Variants in CABIN1 observed in about 807,000 individuals in gnomAD.
CABIN1 encodes the protein calcineurin binding protein 1, also known as calcineurin-binding protein cabin-1.
Under a neutral mutation model 227.7 loss-of-function variants are expected in CABIN1, and 133 were observed. The observed-to-expected ratio is 0.58, with a 90% confidence interval of 0.51 to 0.67. The LOEUF (loss-of-function observed/expected upper bound fraction) is 0.67. Ranked by LOEUF, CABIN1 falls within the 30% of genes least tolerant of loss-of-function variation. The pLI is 0.00. For synonymous variants in CABIN1, 1,086 were observed against 1,155.1 expected (o/e 0.94, Z 1.21); for missense variants, 2,408 against 2,852.5 (o/e 0.84, Z 3.55).
intron 3 of CABIN1, 83 bp downstream of exon 3, chr22:24,036,264 C>G: frequency 1.0e-6 from 1 of 971,840 alleles, no homozygotes; most frequent in East Asian, 2.4e-5. Flanking sequence ...TTAGGCATCT[C>G]CTCAGTGGGG....
intron 29 of CABIN1, among the ~76,000 whole-genome samples, chr22:24,147,133 C>T (rs1774774804): frequency 6.6e-6 from 1 of 152,240 alleles, no homozygotes; most frequent in South Asian, 2.1e-4. Flanking sequence ...CGCTGTTTAA[C>T]ATTCCTGAAT....
At position 24,050,913 on chromosome 22, in the gene CABIN1, G is replaced by A. The variant is rs1466536380; in HGVS notation, c.745G>A (p.Ala249Thr). 1.2e-6 allele frequency: 2 copies of A among 1,614,226 alleles called. No homozygotes were observed. The highest frequency in any genetic ancestry group is 2.2e-5 in the East Asian group (1 of 44,888). ...CTTGGGGCTGCGAAAAAAGAGGCAA[G>A]CGCTGATTGTGCGGGAGAAGGAGCC... Reference protein sequence around the residue: ...EALGLRKKRQALIVREKEPDL... With the variant: ...EALGLRKKRQTLIVREKEPDL... The change falls in exon 8 of 37, where the codon GCG (alanine) becomes ACG (threonine). Residue 249 changes from alanine (A) to threonine (T), a missense_variant. Transcript: ENST00000263119.
At position 24,168,459 on chromosome 22, in the gene CABIN1, G is replaced by T; in HGVS notation, c.5695G>T (p.Ala1899Ser). The change falls in exon 33 of 37, where the codon GCT becomes TCT. Residue 1899 changes from alanine (A) to serine (S), a missense_variant. By Grantham distance (99) the Ala-to-Ser change is moderately conservative. Around this residue, in one of 3 missense-constraint regions of CABIN1, gnomAD observed 714 missense variants for 773.8 expected, o/e 0.92. Transcript: ENST00000263119. Reference protein sequence around the residue: ...YMLIKQVDEEAALEQAVKFCQ... With the variant: ...YMLIKQVDEESALEQAVKFCQ... ...TCTCCCTGTTAAGGTGGATGAGGAG[G>T]CTGCGCTGGAGCAGGCTGTGAAGTT... The T allele has an allele frequency of 6.4e-7, 1 of 1,571,774 alleles. No individual in the cohort carries two copies. The highest frequency in any genetic ancestry group is 1.8e-5 in the Admixed American group (1 of 54,618).
chr22:24,026,674 A>G (rs967035553), intron 1 of CABIN1, among the ~76,000 whole-genome samples: 1 of 152,212 alleles, frequency 6.6e-6, no homozygotes, highest in African/African-American at 2.4e-5. Flanking sequence ...CCTTTGCACC[A>G]TAGTCAGTAA....
chr22:24,048,414 G>A (rs2038062067), intron 6 of CABIN1, among the ~76,000 whole-genome samples: 1 of 151,808 alleles, frequency 6.6e-6, no homozygotes, highest in Non-Finnish European at 1.5e-5. Context: ...GGGACAGAGT[G>A]GTTTTGAGAT....
intron 24 of CABIN1, among the ~76,000 whole-genome samples, chr22:24,094,465 C>A (rs893899752): frequency 8.5e-5 from 13 of 152,198 alleles, no homozygotes; most frequent in Non-Finnish European, 1.5e-4. Flanking sequence ...CCATTCCATG[C>A]AACCATTGTA....
chr22:24,141,324 T>C (rs2044744461), intron 29 of CABIN1, among the ~76,000 whole-genome samples: 1 of 152,260 alleles, frequency 6.6e-6, no homozygotes, highest in Non-Finnish European at 1.5e-5. Context: ...TCAAACTTCC[T>C]GTTCTTGGTC....
intron 1 of CABIN1, among the ~76,000 whole-genome samples, chr22:24,032,072 A>G (rs914724744): frequency 2.0e-5 from 3 of 152,214 alleles, no homozygotes; most frequent in Non-Finnish European, 2.9e-5. Context: ...TTGTGTTACC[A>G]TCACCACCAT....
chr22:24,117,478 G>A (rs1306516976), intron 27 of CABIN1, among the ~76,000 whole-genome samples: 1 of 152,044 alleles, frequency 6.6e-6, no homozygotes, highest in African/African-American at 2.4e-5. Context: ...GGGATTACAG[G>A]CGTGAGCCAC....
rs765749682 is a variant in CABIN1, at chr22:24,051,009, G to T, written c.806+35G>T. The T allele has an allele frequency of 3.1e-6, 5 of 1,613,214 alleles. No homozygotes were observed. In the African/African-American group the frequency reaches 6.7e-5, roughly 22 times the overall value. On this transcript the variant is annotated intron_variant, in intron 8 of 36. Coordinates refer to ENST00000263119, the MANE Select transcript of CABIN1 (RefSeq NM_012295.4). ...CTAGCGTCTCTGGGAGTGCTGGGTC[G>T]GCCAGTAGGCCCTGTTGTGGGATGC...
At chr22:24,035,334 G>A in intron 1 of CABIN1, 110 bp from the exon 2 acceptor site, 1 of 730,668 alleles carries the variant, frequency 1.4e-6, no homozygotes, top group Non-Finnish European at 2.4e-6. Context: ...GCTCTTCACT[G>A]GCCTGTCTGC....
chr22:24,012,353 A>G (rs1307891838), intron 1 of CABIN1, among the ~76,000 whole-genome samples: 1 of 152,108 alleles, frequency 6.6e-6, no homozygotes, highest in Non-Finnish European at 1.5e-5. Context: ...AAATGTAAAA[A>G]CCATTCTTTG....
Position 24,070,851 on chromosome 22 carries a change from G to A in CABIN1, c.2284G>A (p.Val762Met). ...DYRQCFECSD[V>M]ALNEAVQQMV... is the part of the protein sequence containing the mutation. ...TCGGCAGTGTTTTGAGTGTTCCGAT[G>A]TGGCTCTGAACGAGGCTGTCCAGCA... Residue 762 changes from valine (V) to methionine (M), a missense_variant, in exon 17 of 37, where the codon GTG becomes ATG. Physicochemically the swap from Val to Met is conservative, Grantham distance 21. This residue lies in a region of CABIN1 where 1,045 missense variants were observed against 1,168.4 expected (regional missense o/e 0.89). Coordinates refer to ENST00000263119, the MANE Select transcript of CABIN1 (RefSeq NM_012295.4). 1 of 1,614,248 alleles carries A rather than the reference G, an allele frequency of 6.2e-7. No homozygotes were observed. Among genetic ancestry groups the A allele is most frequent in the Non-Finnish European group, 8.5e-7 (1 of 1,180,046 alleles).
chr22:24,158,889 AG>A (rs1044148680), intron 29 of CABIN1, among the ~76,000 whole-genome samples: 15 of 152,290 alleles, frequency 9.8e-5, no homozygotes, highest in African/African-American at 2.6e-4. Flanking sequence ...AACATGAGGG[AG>A]GACAAGACAC....
intron 26 of CABIN1, among the ~76,000 whole-genome samples, chr22:24,108,150 G>C (rs151047115): frequency 6.6e-6 from 1 of 152,326 alleles, no homozygotes; most frequent in South Asian, 2.1e-4. Context: ...AATGGCAATC[G>C]TGTTAAAAAA....
intron 22 of CABIN1, among the ~76,000 whole-genome samples, chr22:24,087,244 C>A (rs2041229981): frequency 6.6e-6 from 1 of 152,114 alleles, no homozygotes; most frequent in Admixed American, 6.5e-5. Flanking sequence ...TCTTCTTAGC[C>A]CTGTGTCACA....
intron 29 of CABIN1, among the ~76,000 whole-genome samples, chr22:24,134,858 A>G (rs2044295170): frequency 6.6e-6 from 1 of 152,138 alleles, no homozygotes; most frequent in African/African-American, 2.4e-5. Context: ...CGGGCAGATC[A>G]TCTGAGGTCA....
chr22:24,118,605 A>G (rs912833844), intron 27 of CABIN1, among the ~76,000 whole-genome samples: 3 of 151,922 alleles, frequency 2.0e-5, no homozygotes, highest in Non-Finnish European at 4.4e-5. Context: ...AGACCACAGG[A>G]CCCCTTGCCT....
In CABIN1 at chr22:24,115,828, C is replaced by T. The variant is rs370774166; in HGVS notation, c.4300+2080C>T. The stretch of plus-strand genomic sequence containing the variant: ...TCCCAGCACACCCTCATGGAGAGTC[C>T]TACCACCAGCCTGCTGCTTCCTCCA... On this transcript the variant is annotated intron_variant, in intron 27 of 36. Transcript: ENST00000263119. Among the ~76,000 whole-genome samples the T allele has an allele frequency of 5.9e-4, 90 of 152,348 alleles. 1 individual carries two copies. In the South Asian group the frequency reaches 0.018, roughly 30 times the overall value.
Sources: gnomAD v4.1 joint callset for allele counts (sites outside exome capture counted in the v4.1 genomes callset) on GRCh38, gnomAD v4.1.1 for gene constraint, gnomAD v4.1.1 regional missense constraint, MANE v1.5 for transcripts, NCBI Gene and HGNC (gene_info 2026-07-23, HGNC 2026-07-21) for gene names.